The following MLLT10 variants were observed in gnomAD, a reference collection of about 807,000 sequenced individuals.
MLLT10 encodes MLLT10 histone lysine methyltransferase DOT1L cofactor, also known as protein AF-10.
MLLT10 carries 30 observed loss-of-function variants against 129.1 expected under a neutral mutation model. The observed-to-expected ratio is 0.23, with a 90% confidence interval of 0.17 to 0.32. The LOEUF (loss-of-function observed/expected upper bound fraction) is 0.32. Ranked by LOEUF, MLLT10 falls within the 10% of genes least tolerant of loss-of-function variation. MLLT10 has a pLI of 1.00. For synonymous variants in MLLT10, 490 were observed against 446.4 expected (o/e 1.10, Z -1.23); for missense variants, 1,119 against 1,268.3 (o/e 0.88, Z 1.79).
intron 5 of MLLT10, among the ~76,000 whole-genome samples, chr10:21,601,544 A>C (rs1030602658): frequency 6.6e-6 from 1 of 152,142 alleles, no homozygotes; most frequent in African/African-American, 2.4e-5. Flanking sequence ...ATTTATTTAG[A>C]GATAGAGTCT....
intron 3 of MLLT10, among the ~76,000 whole-genome samples, chr10:21,584,345 A>G (rs2041783838): frequency 6.7e-6 from 1 of 148,692 alleles, no homozygotes; most frequent in Non-Finnish European, 1.5e-5. Flanking sequence ...TTGTATTTTT[A>G]GTAGAGATGG....
At chr10:21,704,611 C>CT (rs35043348) in intron 13 of MLLT10, among the ~76,000 whole-genome samples, 95,600 of 128,074 alleles carry the variant, frequency 0.75, 35,744 homozygotes, top group East Asian at 0.95. Flanking sequence ...CTCTCTCTCG[C>CT]TTTTTTTTTT....
chr10:21,586,050 C>T (rs2041951733), intron 3 of MLLT10, among the ~76,000 whole-genome samples: 1 of 152,212 alleles, frequency 6.6e-6, no homozygotes, highest in African/African-American at 2.4e-5. Context: ...GCCTGAGCCA[C>T]CGCGCCTGGC....
intron 13 of MLLT10, among the ~76,000 whole-genome samples, chr10:21,712,777 T>C (rs1240635909): frequency 6.6e-6 from 1 of 152,248 alleles, no homozygotes; most frequent in Non-Finnish European, 1.5e-5. Flanking sequence ...ACTAAAAATG[T>C]CTCCAGGTAT....
intron 13 of MLLT10, among the ~76,000 whole-genome samples, chr10:21,694,106 TTTCTGAGCCA>T (rs1435378185): frequency 6.6e-6 from 1 of 152,238 alleles, no homozygotes; most frequent in Non-Finnish European, 1.5e-5. Flanking sequence ...GAACTTTGTT[TTTCTGAGCCA>T]TTTGAGAGTA....
intron 8 of MLLT10, among the ~76,000 whole-genome samples, chr10:21,630,013 G>A: frequency 6.6e-6 from 1 of 152,092 alleles, no homozygotes; most frequent in East Asian, 1.9e-4. Context: ...AAAGGGAGGA[G>A]GCAGGAAAAA....
chr10:21,720,629 A>G (rs918621381), intron 14 of MLLT10, among the ~76,000 whole-genome samples: 1 of 152,240 alleles, frequency 6.6e-6, no homozygotes, highest in Non-Finnish European at 1.5e-5. Flanking sequence ...TTGCTATATT[A>G]TCAAATACAT....
At chr10:21,662,240 T>C (rs1054571760) in intron 9 of MLLT10, among the ~76,000 whole-genome samples, 1 of 152,220 alleles carries the variant, frequency 6.6e-6, no homozygotes, top group Non-Finnish European at 1.5e-5. Flanking sequence ...GTTTCTTTGA[T>C]AGCTGGTTTG....
Position 21,741,995 on chromosome 10 carries a change from C to G in MLLT10, c.*12C>G. On this transcript the variant is annotated 3_prime_UTR_variant, in exon 23 of 23. Coordinates refer to ENST00000307729, the MANE Select transcript of MLLT10 (RefSeq NM_001195626.3). ...AAGAGAAAAGTTGACACCTGAGAAA[C>G]ATCTAGAAATTGCCTATCCTGCTGT... The G allele has an allele frequency of 6.2e-7, 1 of 1,611,938 alleles. No homozygotes were observed. The highest frequency in any genetic ancestry group is 8.5e-7 in the Non-Finnish European group (1 of 1,179,502).
At chr10:21,564,559 G>A (rs1296798271) in intron 3 of MLLT10, 1 of 151,654 alleles carries the variant, frequency 6.6e-6, no homozygotes, top group Non-Finnish European at 1.5e-5. Context: ...TTTGGTATAT[G>A]TGCTGTTGAG....
intron 8 of MLLT10, among the ~76,000 whole-genome samples, chr10:21,639,985 G>T (rs150794258): frequency 0.018 from 2,657 of 151,724 alleles, 33 homozygotes; most frequent in Non-Finnish European, 0.027. Flanking sequence ...TATAACAAAG[G>T]ACTGTCATTT....
chr10:21,614,940 G>A lies in MLLT10; in HGVS notation c.603+16G>A. ...TAGTAAGCTGGTAAGAATTTCTCTT[G>A]GATTTAATGAAATGATTATGATTAG... On this transcript the variant is annotated intron_variant, in intron 7 of 22. Coordinates refer to ENST00000307729, the MANE Select transcript of MLLT10 (RefSeq NM_001195626.3). 6.4e-7 allele frequency: 1 copy of A among 1,563,632 alleles called. No homozygotes were observed. The highest frequency in any genetic ancestry group is 8.7e-7 in the Non-Finnish European group (1 of 1,145,376).
At chr10:21,667,575 T>C (rs2050950378) in intron 9 of MLLT10, among the ~76,000 whole-genome samples, 1 of 152,062 alleles carries the variant, frequency 6.6e-6, no homozygotes, top group Admixed American at 6.5e-5. Flanking sequence ...AGTTTACATG[T>C]TGTAGTCTCA....
At chr10:21,623,922 C>G (rs2046159570) in intron 8 of MLLT10, among the ~76,000 whole-genome samples, 1 of 150,884 alleles carries the variant, frequency 6.6e-6, no homozygotes, top group African/African-American at 2.4e-5. Context: ...ATCTATGGTT[C>G]TTTTTTTTTA....
intron 11 of MLLT10, among the ~76,000 whole-genome samples, chr10:21,680,045 CAGAA>C (rs1461613988): frequency 1.3e-5 from 2 of 152,064 alleles, no homozygotes; most frequent in Non-Finnish European, 2.9e-5. Flanking sequence ...ATTTTTCCCT[CAGAA>C]AGCCATATAG....
At position 21,594,710 on chromosome 10, in the gene MLLT10, C is replaced by T. The variant is rs1478943045; in HGVS notation, c.296-621C>T. On this transcript the variant is annotated intron_variant, in intron 4 of 22. Coordinates refer to ENST00000307729, the MANE Select transcript of MLLT10 (RefSeq NM_001195626.3). ...GAAACTCCTCACTATCATATCAGCT[C>T]TTTAATACCTTCAGTCGGGAGGCTG... Among the ~76,000 whole-genome samples, 6 of 149,374 alleles carry T rather than the reference C, an allele frequency of 4.0e-5. No individual in the cohort carries two copies. The South Asian group carries it at 1.1e-3, about 26-fold the overall frequency.
Position 21,733,499 on chromosome 10 carries a change from T to C in MLLT10, c.2408-5T>C, listed in dbSNP as rs776363465. ...TAGGTTTCTTTTTGTCTTTTATTATTCTAGCTCCTACTACTGATTCCTTGA... is the reference window on the plus strand; with the variant it reads ...TAGGTTTCTTTTTGTCTTTTATTATCCTAGCTCCTACTACTGATTCCTTGA... On this transcript the variant is annotated splice_region_variant and splice_polypyrimidine_tract_variant and intron_variant, in intron 18 of 22. Transcript: ENST00000307729. 6 of 1,509,030 alleles carry C rather than the reference T, an allele frequency of 4.0e-6. No homozygotes were observed. The highest frequency in any genetic ancestry group is 2.5e-5 in the Admixed American group (1 of 40,162). The allele number at this position is 1,509,030 out of a possible 1,614,324, so 93.5% of individuals were successfully genotyped here. A position where few individuals can be genotyped will look rare whatever the true frequency, so the allele number is the denominator to read the frequency against.
At chr10:21,708,309 T>C (rs1420260659) in intron 13 of MLLT10, among the ~76,000 whole-genome samples, 2 of 152,224 alleles carry the variant, frequency 1.3e-5, no homozygotes, top group Non-Finnish European at 2.9e-5. Context: ...AGCTCATGCA[T>C]TGTAACATTT....
intron 13 of MLLT10, among the ~76,000 whole-genome samples, chr10:21,699,130 C>T (rs2054652317): frequency 6.6e-6 from 1 of 152,192 alleles, no homozygotes; most frequent in Non-Finnish European, 1.5e-5. Context: ...CCGCCTCGGC[C>T]TCCCAAAGTG....
Sources: gnomAD v4.1 joint callset for allele counts (sites outside exome capture counted in the v4.1 genomes callset) on GRCh38, gnomAD v4.1.1 for gene constraint, MANE v1.5 for transcripts, NCBI Gene and HGNC (gene_info 2026-07-23, HGNC 2026-07-21) for gene names.